Variants in RAD54L2 observed in about 807,000 individuals in gnomAD.
RAD54L2 encodes RAD54 like 2.
In RAD54L2, 27 loss-of-function variants were observed where a neutral mutation model predicts 138.4. That is an observed-to-expected ratio of 0.20 (90% CI 0.14 to 0.27). The LOEUF is 0.27. RAD54L2 is among the 10% of genes least tolerant of loss of function. The probability of loss-of-function intolerance (pLI) is 1.00; values close to 1 mark genes in which losing one functional copy is unlikely to be tolerated. For synonymous variants in RAD54L2, 644 were observed against 723.2 expected, an observed-to-expected ratio of 0.89 and a Z score of 1.76; for missense variants, 1,396 against 1,890.2, an observed-to-expected ratio of 0.74 and a Z score of 4.85.
At chr3:51,578,874 C>T (rs1577400212) in intron 2 of RAD54L2, among the ~76,000 whole-genome samples, 1 of 152,114 alleles carries the variant, frequency 6.6e-6, no homozygotes, top group East Asian at 1.9e-4. Context: ...CCTCATGGCA[C>T]CTGAGTTCTT....
rs1169939947 is a variant in RAD54L2, at chr3:51,666,174, C to CTTTTTTTTTTTT, written c.*2778_*2789dup. 2.0e-4 allele frequency: 12 copies of CTTTTTTTTTTTT among 58,708 alleles called. 1 individual carries two copies. Among genetic ancestry groups the CTTTTTTTTTTTT allele is most frequent in the South Asian group, 6.6e-4 (1 of 1,512 alleles). 3.6% of individuals were successfully genotyped at this position (58,708 alleles called of 1,614,324 possible). On this transcript the variant is annotated 3_prime_UTR_variant, in exon 23 of 23. Transcript: ENST00000684192. ...AGTGCTACCAGGTCCATGGTTTTTG[C>CTTTTTTTTTTTT]TTTTTTTTTTTTTTTTTTTTTTTTT...
At position 51,638,386 on chromosome 3, in the gene RAD54L2, A is replaced by G. The variant is rs1420575576; in HGVS notation, c.1860+65A>G. 2 of 1,571,478 alleles carry G rather than the reference A, an allele frequency of 1.3e-6. No homozygotes were observed. The highest frequency in any genetic ancestry group is 1.7e-6 in the Non-Finnish European group (2 of 1,148,044). ...GGATACACATGGTCCCAAGGGAGTTACTCCTACTGAGAGTCTTCAATAAAG... is the reference window on the plus strand; with the variant it reads ...GGATACACATGGTCCCAAGGGAGTTGCTCCTACTGAGAGTCTTCAATAAAG... On this transcript the variant is annotated intron_variant, in intron 12 of 22. Coordinates refer to ENST00000684192, the MANE Select transcript of RAD54L2 (RefSeq NM_015106.4). This position sits in a 1 kb window ranked among gnomAD's most constrained non-coding sequence, Gnocchi z 4.3.
At chr3:51,602,566 G>A (rs1700101771) in intron 3 of RAD54L2, among the ~76,000 whole-genome samples, 1 of 152,198 alleles carries the variant, frequency 6.6e-6, no homozygotes, top group South Asian at 2.1e-4. Context: ...TTAAAAAGCT[G>A]TGTAGCCCCA....
chr3:51,604,828 T>A (rs1323634287), intron 3 of RAD54L2, among the ~76,000 whole-genome samples: 1 of 152,216 alleles, frequency 6.6e-6, no homozygotes, highest in East Asian at 1.9e-4. Context: ...GGACTGGGGC[T>A]GTAGGCAATA....
Position 51,645,361 on chromosome 3 carries a change from A to G in RAD54L2, c.2656+132A>G. ...GAAAGCCAGCATTTCCTCCTATCTC[A>G]TTCTGATTCAAATTGCTTAAAAGGT... On this transcript the variant is annotated intron_variant, in intron 17 of 22. Coordinates refer to ENST00000684192, the MANE Select transcript of RAD54L2 (RefSeq NM_015106.4). The surrounding 1 kb of genome is among the most constrained non-coding windows in gnomAD (Gnocchi z 6.1). The G allele has an allele frequency of 1.9e-6, 2 of 1,058,830 alleles. No homozygotes were observed. Among genetic ancestry groups the G allele is most frequent in the Non-Finnish European group, 2.7e-6 (2 of 732,644 alleles). 65.6% of individuals were successfully genotyped at this position (1,058,830 alleles called of 1,614,324 possible).
At chr3:51,551,482 C>G (rs563020914) in intron 2 of RAD54L2, among the ~76,000 whole-genome samples, 1 of 151,402 alleles carries the variant, frequency 6.6e-6, no homozygotes, top group South Asian at 2.1e-4. Context: ...GTCATCCAGG[C>G]TATAGTGCAG....
chr3:51,582,766 C>CTTTTTTTTT lies in RAD54L2; in HGVS notation c.-54-7599_-54-7591dup, dbSNP rs61245532. Reference sequence around the variant, plus strand: ...CTTGAAGGGTCTAAGCCAGGGAAGTCTTTTTTTTTTGAGACGGAGTCTCGC... The same window carrying CTTTTTTTTT: ...CTTGAAGGGTCTAAGCCAGGGAAGTCTTTTTTTTTTTTTTTTTTTGAGACGGAGTCTCGC... On this transcript the variant is annotated intron_variant, in intron 2 of 22. Transcript: ENST00000684192. Among the ~76,000 whole-genome samples, 86 of 147,304 alleles carry CTTTTTTTTT rather than the reference C, an allele frequency of 5.8e-4. 2 individuals are homozygous for CTTTTTTTTT. Among genetic ancestry groups the CTTTTTTTTT allele is most frequent in the African/African-American group, 1.4e-3 (57 of 39,584 alleles).
At position 51,665,590 on chromosome 3, in the gene RAD54L2, A is replaced by T. The variant is rs544282729; in HGVS notation, c.*2170A>T. Reference sequence around the variant, plus strand: ...GCTATGCAAATTATTTTAATAATTTAAAAATAGCAGTTCCAACCAGTGCTT... The same window carrying T: ...GCTATGCAAATTATTTTAATAATTTTAAAATAGCAGTTCCAACCAGTGCTT... On this transcript the variant is annotated 3_prime_UTR_variant, in exon 23 of 23. Coordinates refer to ENST00000684192, the MANE Select transcript of RAD54L2 (RefSeq NM_015106.4). 6.6e-6 allele frequency: 1 copy of T among 152,350 alleles called. No individual in the cohort carries two copies. Among genetic ancestry groups the T allele is most frequent in the African/African-American group, 2.4e-5 (1 of 41,586 alleles). The allele number at this position is 152,350 out of a possible 1,614,324, so 9.4% of individuals were successfully genotyped here.
chr3:51,663,429 C>A lies in RAD54L2; in HGVS notation c.*9C>A. 1 of 1,603,302 alleles carries A rather than the reference C, an allele frequency of 6.2e-7. No individual in the cohort carries two copies. Among genetic ancestry groups the A allele is most frequent in the Non-Finnish European group, 8.5e-7 (1 of 1,172,488 alleles). On this transcript the variant is annotated 3_prime_UTR_variant, in exon 23 of 23. Transcript: ENST00000684192. ...AGGTCACTGGGAAATAGCTAGGGAG[C>A]CCCTCCCCACCTCACTTGGGGCCCC... is the stretch of plus-strand genomic sequence containing the variant.
chr3:51,636,364 T>C (rs913811041), intron 10 of RAD54L2, among the ~76,000 whole-genome samples: 12 of 152,194 alleles, frequency 7.9e-5, no homozygotes, highest in Non-Finnish European at 1.5e-4. Context: ...CTAGGTTTGC[T>C]TCTATGGTAG....
intron 3 of RAD54L2, among the ~76,000 whole-genome samples, chr3:51,621,391 T>A (rs1700566528): frequency 6.6e-6 from 1 of 152,224 alleles, no homozygotes; most frequent in South Asian, 2.1e-4. Flanking sequence ...TTAAAATTGT[T>A]ACTGCACTTG....
intron 2 of RAD54L2, among the ~76,000 whole-genome samples, chr3:51,551,698 G>A (rs566414071): frequency 1.8e-4 from 27 of 151,924 alleles, no homozygotes; most frequent in African/African-American, 6.5e-4. Flanking sequence ...GCCTCCCACA[G>A]TGCAAAGATT....
At chr3:51,564,932 T>C (rs566858528) in intron 2 of RAD54L2, among the ~76,000 whole-genome samples, 2 of 152,304 alleles carry the variant, frequency 1.3e-5, no homozygotes, top group Non-Finnish European at 2.9e-5. Flanking sequence ...GAAGATCATA[T>C]GTTTGATTCT....
At chr3:51,540,341 A>G (rs910438604) in intron 1 of RAD54L2, among the ~76,000 whole-genome samples, 2 of 152,240 alleles carry the variant, frequency 1.3e-5, no homozygotes, top group Admixed American at 6.5e-5. Flanking sequence ...CTCTCATTTC[A>G]GCATCCTTGT....
intron 4 of RAD54L2, among the ~76,000 whole-genome samples, chr3:51,628,935 C>T (rs868232015): frequency 3.3e-5 from 5 of 151,370 alleles, no homozygotes; most frequent in East Asian, 2.0e-4. Flanking sequence ...AGACTGGTCT[C>T]GAACTCCTGA....
intron 2 of RAD54L2, among the ~76,000 whole-genome samples, chr3:51,571,716 A>G (rs1456353159): frequency 6.6e-6 from 1 of 152,148 alleles, no homozygotes; most frequent in East Asian, 1.9e-4. Flanking sequence ...ATAGTCGGTT[A>G]TGTGTACATG....
intron 3 of RAD54L2, among the ~76,000 whole-genome samples, chr3:51,597,540 T>C (rs757015080): frequency 3.9e-5 from 6 of 151,952 alleles, no homozygotes; most frequent in Non-Finnish European, 7.4e-5. Context: ...TGAAATAAGC[T>C]ATTTTGGCTG....
chr3:51,542,800 A>G (rs1291102719), intron 2 of RAD54L2, among the ~76,000 whole-genome samples: 1 of 152,154 alleles, frequency 6.6e-6, no homozygotes, highest in African/African-American at 2.4e-5. Flanking sequence ...GCAGGAGTCC[A>G]CACTATAAAG....
chr3:51,553,803 G>T (rs1389371172), intron 2 of RAD54L2, among the ~76,000 whole-genome samples: 2 of 152,196 alleles, frequency 1.3e-5, no homozygotes, highest in Non-Finnish European at 2.9e-5. Context: ...CTGCGCTCTG[G>T]CCTGGGCGAC....
Sources: allele counts gnomAD v4.1 joint callset (sites outside exome capture counted in the v4.1 genomes callset), GRCh38; gene constraint gnomAD v4.1.1; non-coding constraint Gnocchi (gnomAD v3.1); transcripts MANE v1.5; gene names NCBI Gene and HGNC (gene_info 2026-07-23, HGNC 2026-07-21).